The following ACP3 variants were observed in gnomAD, a reference collection of about 807,000 sequenced individuals.
The protein encoded by ACP3 is acid phosphatase 3, also known as prostatic acid phosphatase.
Under a neutral mutation model 45.6 loss-of-function variants are expected in ACP3, and 38 were observed. That is an observed-to-expected ratio of 0.83 (90% confidence interval 0.64 to 1.09). The LOEUF is 1.09. Ranked by LOEUF, ACP3 falls within the 50% of genes least tolerant of loss-of-function variation. ACP3 has a pLI of 0.00. For synonymous variants in ACP3, 162 were observed against 164.7 expected (o/e 0.98, Z 0.13); for missense variants, 466 against 463.2 (o/e 1.01, Z -0.05).
At chr3:132,364,501 C>T (rs984765242) in intron 10 of ACP3, among the ~76,000 whole-genome samples, 6 of 152,230 alleles carry the variant, frequency 3.9e-5, no homozygotes, top group Non-Finnish European at 7.3e-5. Flanking sequence ...AAGTCTTACT[C>T]ACCTTGCAGG....
intron 7 of ACP3, among the ~76,000 whole-genome samples, chr3:132,347,832 G>GACACGCACACAT (rs1937629904): frequency 1.5e-5 from 1 of 66,552 alleles, no homozygotes; most frequent in Non-Finnish European, 3.4e-5. Context: ...TGTTCAGTAA[G>GACACGCACACAT]ACACACACAC....
In ACP3 at chr3:132,357,777, T is replaced by C. The variant is rs1264097203; in HGVS notation, c.*899T>C. ...GGCCAGGCATGGTGGTTTACGCCTATAATCCCAGCATTTTGGGAGTCCGAG... is the reference window on the plus strand; with the variant it reads ...GGCCAGGCATGGTGGTTTACGCCTACAATCCCAGCATTTTGGGAGTCCGAG... On this transcript the variant is annotated 3_prime_UTR_variant, in exon 10 of 10. Coordinates refer to ENST00000336375, the MANE Select transcript of ACP3 (RefSeq NM_001099.5). The C allele has an allele frequency of 7.1e-6, 7 of 982,650 alleles. No individual in the cohort carries two copies. Among genetic ancestry groups the C allele is most frequent in the African/African-American group, 1.7e-5 (1 of 57,182 alleles). The allele number at this position is 982,650 out of a possible 1,614,324, so 60.9% of individuals were successfully genotyped here.
chr3:132,348,329 G>A (rs1937640802), intron 7 of ACP3, among the ~76,000 whole-genome samples: 1 of 152,080 alleles, frequency 6.6e-6, no homozygotes, highest in African/African-American at 2.4e-5. Context: ...TTTGACACAG[G>A]ACATGCTAGA....
intron 1 of ACP3, among the ~76,000 whole-genome samples, chr3:132,325,323 C>T (rs536275634): frequency 7.2e-5 from 11 of 152,266 alleles, no homozygotes; most frequent in African/African-American, 2.4e-4. Context: ...GAGCAACTAC[C>T]TTGGAAACAC....
At chr3:132,328,625 G>A (rs1307079177) in intron 2 of ACP3, among the ~76,000 whole-genome samples, 1 of 139,854 alleles carries the variant, frequency 7.2e-6, no homozygotes, top group African/African-American at 2.7e-5. Context: ...GTTGCAGTGA[G>A]CCAAGATCGC....
Position 132,357,824 on chromosome 3 carries a change from A to C in ACP3, c.*946A>C, listed in dbSNP as rs962033986. 7.6e-6 allele frequency: 6 copies of C among 788,478 alleles called. No individual in the cohort carries two copies. Among genetic ancestry groups the C allele is most frequent in the Non-Finnish European group, 9.2e-6 (6 of 650,194 alleles). The allele number at this position is 788,478 out of a possible 1,614,324, so 48.8% of individuals were successfully genotyped here. A position where few individuals can be genotyped will look rare whatever the true frequency, so the allele number is the denominator to read the frequency against. ...CGAGGTGGGCAGATCACTTGAGCTC[A>C]GGAGGTCAAGATCAGCCTGGGCAAC... is the stretch of plus-strand genomic sequence containing the variant. On this transcript the variant is annotated 3_prime_UTR_variant, in exon 10 of 10. Transcript: ENST00000336375.
chr3:132,328,139 C>T, intron 1 of ACP3, 128 bp from the exon 2 acceptor site: 1 of 626,566 alleles, frequency 1.6e-6, no homozygotes, highest in Non-Finnish European at 2.7e-6. Context: ...TTTTAAAACT[C>T]CTTACGTGAT....
intron 4 of ACP3, among the ~76,000 whole-genome samples, chr3:132,336,310 A>T (rs1937489898): frequency 6.6e-6 from 1 of 152,164 alleles, no homozygotes; most frequent in Non-Finnish European, 1.5e-5. Flanking sequence ...TGTGTGGAGA[A>T]TGAATTAGGA....
intron 1 of ACP3, among the ~76,000 whole-genome samples, chr3:132,324,105 C>T (rs1937254239): frequency 6.6e-5 from 10 of 151,242 alleles, no homozygotes; most frequent in Admixed American, 6.6e-4. Context: ...GTAATCCCAG[C>T]TACTTGGGAG....
At chr3:132,367,765 G>A (rs988401924) in exon 11 of ACP3, 1 of 1,613,848 alleles carries the variant, frequency 6.2e-7, no homozygotes, top group South Asian at 1.1e-5. Flanking sequence ...TGGTACTACT[G>A]TTTATCCACA....
chr3:132,359,264 G>A (rs1349524909), downstream of ACP3, among the ~76,000 whole-genome samples: 1 of 152,178 alleles, frequency 6.6e-6, no homozygotes, highest in Non-Finnish European at 1.5e-5. Flanking sequence ...TGTAATCCCA[G>A]CACTTTGGGA....
intron 10 of ACP3, among the ~76,000 whole-genome samples, chr3:132,366,107 C>A (rs1204653623): frequency 1.3e-5 from 2 of 151,990 alleles, no homozygotes; most frequent in African/African-American, 2.4e-5. Context: ...TCAAGACCAG[C>A]CCGGGCAACA....
intron 5 of ACP3, among the ~76,000 whole-genome samples, chr3:132,338,689 G>A (rs544617705): frequency 6.6e-6 from 1 of 152,160 alleles, no homozygotes; most frequent in Non-Finnish European, 1.5e-5. Context: ...TGCCAATCTG[G>A]TAAGTGGAAA....
chr3:132,340,279 C>G (rs1937538144), intron 5 of ACP3, among the ~76,000 whole-genome samples: 1 of 143,292 alleles, frequency 7.0e-6, no homozygotes, highest in East Asian at 2.0e-4. Flanking sequence ...GGCGCCACTG[C>G]ATTCCAGCCT....
At chr3:132,349,780 T>C (rs1937677419) in intron 7 of ACP3, 140 bp from the exon 8 acceptor site, 2 of 631,152 alleles carry the variant, frequency 3.2e-6, no homozygotes, top group Admixed American at 2.8e-5. Context: ...ACAGAGCAGA[T>C]GCTCAATAAA....
rs1804122 is a variant in ACP3, at chr3:132,358,575, A to G, written c.*1697A>G. On this transcript the variant is annotated 3_prime_UTR_variant, in exon 10 of 10. Transcript: ENST00000336375. ...TCTACTGGCTGCCAGAATCTAGAGC[A>G]AAGCCATCCCCGCTCCTGGTTGGTC... 8.8e-7 allele frequency: 1 copy of G among 1,134,226 alleles called. No homozygotes were observed. 70.3% of individuals were successfully genotyped at this position (1,134,226 alleles called of 1,614,324 possible). A position where few individuals can be genotyped will look rare whatever the true frequency, so the allele number is the denominator to read the frequency against.
intron 6 of ACP3, among the ~76,000 whole-genome samples, chr3:132,344,309 G>A (rs1266531301): frequency 6.6e-6 from 1 of 151,140 alleles, no homozygotes; most frequent in Non-Finnish European, 1.5e-5. Context: ...TGCCACGTGT[G>A]GTGGCATGCA....
Position 132,317,410 on chromosome 3 carries a change from G to A in ACP3, c.-47G>A, listed in dbSNP as rs1937127376. 6.3e-7 allele frequency: 1 copy of A among 1,592,214 alleles called. No individual in the cohort carries two copies. Among genetic ancestry groups the A allele is most frequent in the Non-Finnish European group, 8.5e-7 (1 of 1,171,584 alleles). On this transcript the variant is annotated 5_prime_UTR_variant, in exon 1 of 10. The change creates a new upstream start codon in the 5' untranslated region. Coordinates refer to ENST00000336375, the MANE Select transcript of ACP3 (RefSeq NM_001099.5). ...AGCTTCCCCTCTACAGGCTTTTGAAGTGGTAGCAGTTCCTCCTAACTCCTG... is the reference window on the plus strand; with the variant it reads ...AGCTTCCCCTCTACAGGCTTTTGAAATGGTAGCAGTTCCTCCTAACTCCTG...
chr3:132,353,411 C>A (rs1357200534), intron 9 of ACP3, among the ~76,000 whole-genome samples: 2 of 152,244 alleles, frequency 1.3e-5, no homozygotes, highest in Non-Finnish European at 2.9e-5. Flanking sequence ...TTGTTAAAAC[C>A]AGAAATGTCC....
Sources: gnomAD v4.1 joint callset for allele counts (sites outside exome capture counted in the v4.1 genomes callset) on GRCh38, gnomAD v4.1.1 for gene constraint, MANE v1.5 for transcripts, NCBI Gene and HGNC (gene_info 2026-07-23, HGNC 2026-07-21) for gene names.